The following PCDH9 variants were observed in gnomAD, a reference collection of about 807,000 sequenced individuals.
PCDH9 encodes protocadherin 9.
In PCDH9, 24 loss-of-function variants were observed where a neutral mutation model predicts 70.6. The ratio of observed to expected loss-of-function variants is 0.34; its 90% CI spans 0.25 to 0.48. PCDH9 has a LOEUF of 0.48. Among genes scored for constraint, PCDH9 ranks in the 20% least tolerant of loss-of-function variants. The pLI is 0.99. For synonymous variants in PCDH9, 562 were observed against 558.5 expected (o/e 1.01, Z -0.09); for missense variants, 1,281 against 1,503.6 (o/e 0.85, Z 2.45).
intron 4 of PCDH9, among the ~76,000 whole-genome samples, chr13:66,558,616 C>T (rs533114083): frequency 1.4e-4 from 21 of 152,024 alleles, no homozygotes; most frequent in African/African-American, 4.6e-4. Flanking sequence ...CTGAAACTTT[C>T]AGAAAGTGCC....
chr13:66,479,700 A>G (rs1451577505), intron 4 of PCDH9, among the ~76,000 whole-genome samples: 2 of 152,188 alleles, frequency 1.3e-5, no homozygotes, highest in East Asian at 3.9e-4. Flanking sequence ...GTGTCTAGCT[A>G]AAGGATTGTA....
At chr13:66,390,996 TTTTG>T (rs1445897703) in intron 4 of PCDH9, among the ~76,000 whole-genome samples, 1 of 152,128 alleles carries the variant, frequency 6.6e-6, no homozygotes, top group African/African-American at 2.4e-5. Flanking sequence ...CCTGTAGAGT[TTTTG>T]TTTTTCAGTC....
intron 2 of PCDH9, among the ~76,000 whole-genome samples, chr13:66,954,536 T>A (rs1158853852): frequency 6.6e-6 from 1 of 152,206 alleles, no homozygotes; most frequent in African/African-American, 2.4e-5. Flanking sequence ...CTACCTTGAA[T>A]GATCAGACTT....
intron 4 of PCDH9, among the ~76,000 whole-genome samples, chr13:66,565,272 A>G (rs1321536382): frequency 2.0e-5 from 3 of 152,246 alleles, no homozygotes; most frequent in African/African-American, 7.2e-5. Context: ...TGAGAACATA[A>G]CAACATGCAA....
At chr13:67,043,197 C>T (rs1430138904) in intron 2 of PCDH9, among the ~76,000 whole-genome samples, 1 of 152,140 alleles carries the variant, frequency 6.6e-6, no homozygotes, top group East Asian at 1.9e-4. Context: ...ACATCACATG[C>T]CAATATTTTA....
At chr13:66,713,652 T>TATATAA (rs1356252438) in intron 3 of PCDH9, among the ~76,000 whole-genome samples, 3 of 139,510 alleles carry the variant, frequency 2.2e-5, no homozygotes, top group Admixed American at 7.4e-5. Context: ...TATATATATA[T>TATATAA]AATGTACACA....
intron 4 of PCDH9, among the ~76,000 whole-genome samples, chr13:66,475,707 A>G (rs1958712552): frequency 6.6e-6 from 1 of 152,106 alleles, no homozygotes; most frequent in African/African-American, 2.4e-5. Context: ...GTCTCCTGTC[A>G]GAAGAGAATC....
At chr13:66,448,108 G>A (rs1392730042) in intron 4 of PCDH9, among the ~76,000 whole-genome samples, 1 of 152,078 alleles carries the variant, frequency 6.6e-6, no homozygotes. Flanking sequence ...AAATGCTGGT[G>A]GGAAATTTAG....
At chr13:66,896,366 AATAAT>A (rs2082178912) in intron 3 of PCDH9, among the ~76,000 whole-genome samples, 2 of 152,150 alleles carry the variant, frequency 1.3e-5, no homozygotes, top group African/African-American at 4.8e-5. Context: ...TGCTGTTTTT[AATAAT>A]AAGTGACTTA....
At chr13:67,064,938 A>G (rs986793461) in intron 2 of PCDH9, among the ~76,000 whole-genome samples, 8 of 149,362 alleles carry the variant, frequency 5.4e-5, no homozygotes, top group Non-Finnish European at 8.9e-5. Flanking sequence ...ATAGATAGAT[A>G]GCAGAGAGGT....
chr13:66,438,960 A>G (rs1957926700), intron 4 of PCDH9, among the ~76,000 whole-genome samples: 1 of 152,214 alleles, frequency 6.6e-6, no homozygotes, highest in Non-Finnish European at 1.5e-5. Context: ...GAAACTTTTC[A>G]TCCAAAATAG....
intron 4 of PCDH9, among the ~76,000 whole-genome samples, chr13:66,372,819 G>A (rs965290222): frequency 2.0e-5 from 3 of 151,896 alleles, no homozygotes; most frequent in Admixed American, 6.6e-5. Flanking sequence ...GTAAGCCAGA[G>A]AACAGAGAAT....
At chr13:66,661,764 C>A (rs1432468220) in intron 3 of PCDH9, among the ~76,000 whole-genome samples, 1 of 152,146 alleles carries the variant, frequency 6.6e-6, no homozygotes, top group Non-Finnish European at 1.5e-5. Context: ...ATATGACTAA[C>A]TTTTAAATAT....
chr13:66,964,142 C>G (rs1490526984), intron 2 of PCDH9, among the ~76,000 whole-genome samples: 4 of 151,904 alleles, frequency 2.6e-5, no homozygotes, highest in African/African-American at 9.7e-5. Context: ...ACACGGATAT[C>G]TTTATTGGTA....
intron 2 of PCDH9, among the ~76,000 whole-genome samples, chr13:66,974,095 C>A (rs766669920): frequency 1.3e-5 from 2 of 152,000 alleles, no homozygotes; most frequent in Non-Finnish European, 2.9e-5. Context: ...CCTTACAAAG[C>A]TGCGCATGAC....
At chr13:66,511,841 CA>C in intron 4 of PCDH9, among the ~76,000 whole-genome samples, 1 of 152,168 alleles carries the variant, frequency 6.6e-6, no homozygotes, top group African/African-American at 2.4e-5. Context: ...GAGGCCGCCC[CA>C]AAAGCAAAAG....
At chr13:67,087,610 T>G (rs548811997) in intron 2 of PCDH9, among the ~76,000 whole-genome samples, 1 of 152,232 alleles carries the variant, frequency 6.6e-6, no homozygotes, top group East Asian at 1.9e-4. Flanking sequence ...CTCCAAGCTT[T>G]GTTCCTCTCC....
chr13:67,183,290 A>C (rs1416769047), intron 2 of PCDH9, among the ~76,000 whole-genome samples: 1 of 152,128 alleles, frequency 6.6e-6, no homozygotes, highest in Non-Finnish European at 1.5e-5. Flanking sequence ...AAAAACACAA[A>C]ACTAAGCATG....
chr13:67,200,721 CAAATTGCTTG>C (rs1283702608), intron 2 of PCDH9, among the ~76,000 whole-genome samples: 1 of 151,988 alleles, frequency 6.6e-6, no homozygotes, highest in Non-Finnish European at 1.5e-5. Context: ...AGTTAAAGTG[CAAATTGCTTG>C]ACATTTCGAT....
Sources: allele counts gnomAD v4.1 joint callset (sites outside exome capture counted in the v4.1 genomes callset), GRCh38; gene constraint gnomAD v4.1.1; transcripts MANE v1.5; gene names NCBI Gene and HGNC (gene_info 2026-07-23, HGNC 2026-07-21).